The following CACNG7 variants were observed in gnomAD, a reference collection of about 807,000 sequenced individuals.
CACNG7 encodes calcium voltage-gated channel auxiliary subunit gamma 7.
In CACNG7, 9 loss-of-function variants were observed where a neutral mutation model predicts 26.3. The ratio of observed to expected loss-of-function variants is 0.34; its 90% CI spans 0.21 to 0.60. CACNG7 has a LOEUF of 0.60. Ranked by LOEUF, CACNG7 falls within the 20% of genes least tolerant of loss-of-function variation. The probability of loss-of-function intolerance (pLI) is 0.81; values close to 1 mark genes in which losing one functional copy is unlikely to be tolerated. For missense variants in CACNG7, 297 were observed against 380.4 expected (o/e 0.78, Z 1.82); for synonymous variants, 170 against 157.0 (o/e 1.08, Z -0.62).
chr19:53,914,372 C>G, intron 2 of CACNG7, 128 bp from the exon 3 acceptor site: 1 of 686,982 alleles, frequency 1.5e-6, no homozygotes. Context: ...TAGTACAGCT[C>G]GTAACCCTTG....
At chr19:53,927,614 G>A (rs755412739) in intron 4 of CACNG7, among the ~76,000 whole-genome samples, 73 of 152,230 alleles carry the variant, frequency 4.8e-4, no homozygotes, top group Middle Eastern at 3.4e-3. Context: ...GAGGCAGGCA[G>A]GTCACCTGAG....
chr19:53,922,877 A>T (rs569422213), intron 4 of CACNG7, among the ~76,000 whole-genome samples: 50 of 24,400 alleles, frequency 2.0e-3, no homozygotes, highest in Middle Eastern at 0.028. Flanking sequence ...GGTGGAGTTG[A>T]CTCAGGCTGG....
Position 53,941,525 on chromosome 19 carries a change from C to T in CACNG7, c.480C>T (p.Val160=). 6.2e-7 allele frequency: 1 copy of T among 1,603,242 alleles called. No homozygotes were observed. Among genetic ancestry groups the T allele is most frequent in the South Asian group, 1.1e-5 (1 of 89,434 alleles). ...ACATCTCCAGCATCAACGACGAGGT[C>T]ATGAACAGGCCCAGCAGCTCTGAGC... ...VLYISSINDE[V]MNRPSSSEQY... Residue 160 remains valine (V), a synonymous_variant, in exon 5 of 6, where the codon GTC becomes GTT. Coordinates refer to ENST00000391767, the MANE Select transcript of CACNG7 (RefSeq NM_031896.5).
At chr19:53,936,429 C>T (rs75881085) in intron 4 of CACNG7, among the ~76,000 whole-genome samples, 18,516 of 152,180 alleles carry the variant, frequency 0.12, 1,463 homozygotes, top group East Asian at 0.24. Flanking sequence ...CGAGCATCCC[C>T]TCGTGACTCT....
chr19:53,932,996 G>A (rs2069083337), intron 4 of CACNG7, among the ~76,000 whole-genome samples: 2 of 151,918 alleles, frequency 1.3e-5, no homozygotes, highest in South Asian at 4.2e-4. Context: ...AATAGAGATG[G>A]GGTTTCGCCA....
At position 53,922,071 on chromosome 19, in the gene CACNG7, G is replaced by A. The variant is rs868339245; in HGVS notation, c.424+6566G>A. The stretch of plus-strand genomic sequence containing the variant: ...GCCTGGTATTGGTGGAGTTGCCCCA[G>A]GTCTGGTATTGGTGGAGTTGTCCCC... On this transcript the variant is annotated intron_variant, in intron 4 of 5. Coordinates refer to ENST00000391767, the MANE Select transcript of CACNG7 (RefSeq NM_031896.5). Among the ~76,000 whole-genome samples, 53 of 94,242 alleles carry A rather than the reference G, an allele frequency of 5.6e-4. 2 individuals are homozygous for A. Among genetic ancestry groups the A allele is most frequent in the African/African-American group, 3.1e-3 (46 of 14,718 alleles). 61.8% of individuals were successfully genotyped at this position (94,242 alleles called of 152,430 possible).
At chr19:53,920,813 T>C (rs1347561862) in intron 4 of CACNG7, among the ~76,000 whole-genome samples, 1 of 87,452 alleles carries the variant, frequency 1.1e-5, no homozygotes, top group Non-Finnish European at 2.1e-5. Context: ...TGCCCCAGGC[T>C]GGTCATTGGT....
intron 4 of CACNG7, among the ~76,000 whole-genome samples, chr19:53,917,631 A>G (rs1024242770): frequency 2.6e-5 from 4 of 152,230 alleles, no homozygotes; most frequent in Non-Finnish European, 5.9e-5. Context: ...GAGCTAAAAT[A>G]AGACACGGAG....
At chr19:53,925,726 G>A (rs1000247390) in intron 4 of CACNG7, among the ~76,000 whole-genome samples, 25 of 152,366 alleles carry the variant, frequency 1.6e-4, no homozygotes, top group African/African-American at 5.8e-4. Context: ...ACCTCTGCTG[G>A]GGATGGACTA....
intron 2 of CACNG7, among the ~76,000 whole-genome samples, chr19:53,914,290 A>AG (rs1568769999): frequency 3.0e-4 from 31 of 101,644 alleles, no homozygotes; most frequent in African/African-American, 9.1e-4. Flanking sequence ...AAAAAAAAGA[A>AG]AAAAAGAAAA....
intron 4 of CACNG7, among the ~76,000 whole-genome samples, chr19:53,918,091 T>C (rs1403592046): frequency 6.6e-6 from 1 of 152,200 alleles, no homozygotes; most frequent in South Asian, 2.1e-4. Context: ...TATCCAGGCA[T>C]GTGCTGCCAA....
chr19:53,913,872 C>T (rs1294676648), intron 2 of CACNG7, among the ~76,000 whole-genome samples: 1 of 151,610 alleles, frequency 6.6e-6, no homozygotes, highest in Admixed American at 6.6e-5. Flanking sequence ...GCTCCCCAGA[C>T]CTCGTCCTCT....
In CACNG7 at chr19:53,917,952, G is replaced by A. The variant is rs150312433; in HGVS notation, c.424+2447G>A. ...CCCAAGGTCATGCTGAGGATCAGTG[G>A]TGCAGGCAGGCTGGAAGTCACGTCT... On this transcript the variant is annotated intron_variant, in intron 4 of 5. Coordinates refer to ENST00000391767, the MANE Select transcript of CACNG7 (RefSeq NM_031896.5). Among the ~76,000 whole-genome samples, 39 of 152,330 alleles carry A rather than the reference G, an allele frequency of 2.6e-4. No individual in the cohort carries two copies. In the East Asian group the frequency reaches 7.5e-3, roughly 29 times the overall value.
In CACNG7 at chr19:53,942,461, C is replaced by A; in HGVS notation, c.*168C>A. 1 of 1,464,010 alleles carries A rather than the reference C, an allele frequency of 6.8e-7. No individual in the cohort carries two copies. Among genetic ancestry groups the A allele is most frequent in the South Asian group, 1.4e-5 (1 of 70,432 alleles). The allele number at this position is 1,464,010 out of a possible 1,614,324, so 90.7% of individuals were successfully genotyped here. A position where few individuals can be genotyped will look rare whatever the true frequency, so the allele number is the denominator to read the frequency against. On this transcript the variant is annotated 3_prime_UTR_variant, in exon 6 of 6. Coordinates refer to ENST00000391767, the MANE Select transcript of CACNG7 (RefSeq NM_031896.5). The surrounding 1 kb of genome is among the most constrained non-coding windows in gnomAD (Gnocchi z 5.9). Reference sequence around the variant, plus strand: ...CCCAATGGCTCCGCCCACAGACTCCCTTATTTCAATGGCCGCGCCCTCTTT... The same window carrying A: ...CCCAATGGCTCCGCCCACAGACTCCATTATTTCAATGGCCGCGCCCTCTTT...
intron 4 of CACNG7, among the ~76,000 whole-genome samples, chr19:53,916,732 G>T (rs1378098093): frequency 6.7e-6 from 1 of 148,390 alleles, no homozygotes; most frequent in African/African-American, 2.5e-5. Context: ...ACTCCCGACC[G>T]CAGGTGATCT....
chr19:53,924,254 G>GT (rs1457165515), intron 4 of CACNG7, among the ~76,000 whole-genome samples: 1 of 141,138 alleles, frequency 7.1e-6, no homozygotes, highest in Non-Finnish European at 1.5e-5. Flanking sequence ...TGGTGGAGTT[G>GT]CCCCAGGTCT....
intron 4 of CACNG7, among the ~76,000 whole-genome samples, chr19:53,930,210 ATT>A (rs200011995): frequency 4.3e-4 from 59 of 136,598 alleles, no homozygotes; most frequent in African/African-American, 1.5e-3. Context: ...CTACCTCACC[ATT>A]TTTTTTTTTT....
chr19:53,925,160 C>T (rs1173594953), intron 4 of CACNG7, among the ~76,000 whole-genome samples: 1 of 108,206 alleles, frequency 9.2e-6, no homozygotes, highest in African/African-American at 4.8e-5. Context: ...GGACTTGCCC[C>T]AGGTCTGGTC....
chr19:53,913,389 A>C (rs2068873094), intron 2 of CACNG7, among the ~76,000 whole-genome samples: 1 of 152,076 alleles, frequency 6.6e-6, no homozygotes. Context: ...TGGGAGGCCA[A>C]GGCAGGAGTA....
Sources: gnomAD v4.1 joint callset for allele counts (sites outside exome capture counted in the v4.1 genomes callset) on GRCh38, gnomAD v4.1.1 for gene constraint, Gnocchi (gnomAD v3.1) non-coding constraint, MANE v1.5 for transcripts, NCBI Gene and HGNC (gene_info 2026-07-23, HGNC 2026-07-21) for gene names.